Variants in NXPE2 observed in about 807,000 individuals in gnomAD.
NXPE2 encodes neurexophilin and PC-esterase domain family member 2.
A neutral mutation model predicts 34.4 loss-of-function variants in NXPE2; 34 were observed. That is an observed-to-expected ratio of 0.99 (90% CI 0.75 to 1.31). The LOEUF is 1.31. NXPE2 is among the 40% of genes most tolerant of loss of function. NXPE2 has a pLI of 0.00. For missense variants in NXPE2, 649 were observed against 672.5 expected (o/e 0.97, Z 0.39); for synonymous variants, 235 against 231.3 (o/e 1.02, Z -0.15).
chr11:114,772,716 C>T, the NXPE2 span, among the ~76,000 whole-genome samples: 13 of 152,098 alleles, frequency 8.5e-5, no homozygotes, highest in African/African-American at 4.8e-5. Flanking sequence ...AGTACCCCTA[C>T]GTTTTGTCCC....
At chr11:114,687,930 C>A (rs11215150) in intron 2 of NXPE2, among the ~76,000 whole-genome samples, 1 of 151,918 alleles carries the variant, frequency 6.6e-6, no homozygotes, top group African/African-American at 2.4e-5. Context: ...AATTTTTGTA[C>A]GTAAGTTTTG....
chr11:114,631,040 A>G, the NXPE2 span, among the ~76,000 whole-genome samples: 1 of 151,830 alleles, frequency 6.6e-6, no homozygotes, highest in East Asian at 1.9e-4. Flanking sequence ...GCTGGAGAGG[A>G]TGTGGAGAAA....
At chr11:114,761,642 C>A in the NXPE2 span, among the ~76,000 whole-genome samples, 1 of 145,070 alleles carries the variant, frequency 6.9e-6, no homozygotes, top group Non-Finnish European at 1.5e-5. Context: ...GGCGCAATCT[C>A]GGCTCACTAC....
the NXPE2 span, among the ~76,000 whole-genome samples, chr11:114,631,333 C>A: frequency 2.0e-5 from 3 of 151,932 alleles, no homozygotes; most frequent in South Asian, 2.1e-4. Context: ...GCATGGAATA[C>A]TATGCAGCCA....
chr11:114,604,907 A>G, the NXPE2 span, among the ~76,000 whole-genome samples: 2 of 152,064 alleles, frequency 1.3e-5, no homozygotes, highest in East Asian at 3.9e-4. Flanking sequence ...TACCCGGTGG[A>G]TAATTAGTGT....
At chr11:114,464,593 T>G in the NXPE2 span, among the ~76,000 whole-genome samples, 1 of 151,956 alleles carries the variant, frequency 6.6e-6, no homozygotes, top group Non-Finnish European at 1.5e-5. Context: ...AAAATGAAAA[T>G]TTAAAAATAT....
the NXPE2 span, among the ~76,000 whole-genome samples, chr11:114,571,900 G>A: frequency 1.3e-5 from 2 of 152,222 alleles, no homozygotes; most frequent in African/African-American, 2.4e-5. Context: ...GACAGCAGCT[G>A]ATGTGCTCTT....
At chr11:114,494,726 G>A in the NXPE2 span, among the ~76,000 whole-genome samples, 1 of 152,178 alleles carries the variant, frequency 6.6e-6, no homozygotes, top group African/African-American at 2.4e-5. Context: ...TATTTAGGAA[G>A]TTAATGTTTT....
the NXPE2 span, among the ~76,000 whole-genome samples, chr11:114,762,943 A>C: frequency 1.3e-5 from 2 of 152,000 alleles, no homozygotes; most frequent in African/African-American, 4.8e-5. Flanking sequence ...CTACTGCTTG[A>C]AATTAGGACA....
chr11:114,623,375 G>A, the NXPE2 span, among the ~76,000 whole-genome samples: 23 of 151,938 alleles, frequency 1.5e-4, no homozygotes, highest in East Asian at 3.9e-4. Flanking sequence ...ACTTTTAAAC[G>A]TGGGATAATA....
chr11:114,781,458 G>A, the NXPE2 span, among the ~76,000 whole-genome samples: 1 of 152,204 alleles, frequency 6.6e-6, no homozygotes, highest in Non-Finnish European at 1.5e-5. Flanking sequence ...ACAGGGATGG[G>A]ATTAATCTGG....
At chr11:114,574,572 C>T in the NXPE2 span, among the ~76,000 whole-genome samples, 1 of 152,000 alleles carries the variant, frequency 6.6e-6, no homozygotes, top group African/African-American at 2.4e-5. Context: ...CTGTGAACAC[C>T]TTTAAGCACA....
chr11:114,656,176 A>G, the NXPE2 span, among the ~76,000 whole-genome samples: 13 of 152,082 alleles, frequency 8.5e-5, no homozygotes, highest in African/African-American at 3.1e-4. Flanking sequence ...ACTCCTATTC[A>G]CAATTACTAC....
chr11:114,522,575 A>ATTCTT, the NXPE2 span: 11 of 1,300,312 alleles, frequency 8.5e-6, no homozygotes, highest in East Asian at 2.7e-4. Context: ...ATGTCCTATC[A>ATTCTT]TTTAAAATAC....
chr11:114,575,884 C>G, the NXPE2 span, among the ~76,000 whole-genome samples: 1 of 152,178 alleles, frequency 6.6e-6, no homozygotes. Flanking sequence ...AAAGAGCCCA[C>G]ATAGACAAAG....
At chr11:114,560,273 CTTTTTTT>C in the NXPE2 span, among the ~76,000 whole-genome samples, 130 of 135,156 alleles carry the variant, frequency 9.6e-4, no homozygotes, top group Middle Eastern at 0.012. Flanking sequence ...CTTTTTTTTT[CTTTTTTT>C]TTTTTTTTTG....
At chr11:114,553,751 A>G in the NXPE2 span, 1 of 985,214 alleles carries the variant, frequency 1.0e-6, no homozygotes, top group Non-Finnish European at 1.2e-6. Flanking sequence ...CTCCATTTGG[A>G]AATCCTCACT....
the NXPE2 span, among the ~76,000 whole-genome samples, chr11:114,714,265 T>C: frequency 1.5e-3 from 231 of 152,348 alleles, 1 homozygote; most frequent in Middle Eastern, 0.017. Context: ...TTTTTCTTTT[T>C]ACTTTATTGA....
the NXPE2 span, among the ~76,000 whole-genome samples, chr11:114,490,727 T>C: frequency 1.3e-5 from 2 of 152,204 alleles, no homozygotes; most frequent in Admixed American, 1.3e-4. Flanking sequence ...ACTTAAATGT[T>C]AGACCTAAAA....
Sources: gnomAD v4.1 joint callset for allele counts (sites outside exome capture counted in the v4.1 genomes callset) on GRCh38, gnomAD v4.1.1 for gene constraint, MANE v1.5 for transcripts, NCBI Gene and HGNC (gene_info 2026-07-23, HGNC 2026-07-21) for gene names.